DST: variants seen among roughly 807,000 people sequenced by gnomAD.
DST encodes dystonin, also known as bullous pemphigoid antigen.
Under a neutral mutation model 875.2 loss-of-function variants are expected in DST, and 253 were observed. That is an observed-to-expected ratio of 0.29 (90% CI 0.26 to 0.32). DST has a LOEUF of 0.32. DST is among the 10% of genes least tolerant of loss of function. The pLI is 1.00. For missense variants in DST, 8,287 were observed against 9,111.6 expected, an observed-to-expected ratio of 0.91 and a Z score of 3.68; for synonymous variants, 3,124 against 3,197.1, an observed-to-expected ratio of 0.98 and a Z score of 0.77.
intron 61 of DST, chr6:56,542,568 A>C (rs1208999708): frequency 6.6e-6 from 1 of 152,254 alleles, no homozygotes; most frequent in Non-Finnish European, 1.5e-5. Flanking sequence ...AGCGTAATTC[A>C]CATTGAGCAG....
intron 90 of DST, among the ~76,000 whole-genome samples, 172 bp downstream of exon 90, chr6:56,481,878 G>C (rs753190262): frequency 8.5e-5 from 13 of 152,098 alleles, no homozygotes; most frequent in Non-Finnish European, 1.6e-4. Context: ...TGGGTGCATG[G>C]GGACATACAT....
intron 9 of DST, among the ~76,000 whole-genome samples, chr6:56,695,622 T>C (rs1049249119): frequency 4.6e-5 from 7 of 152,212 alleles, no homozygotes; most frequent in African/African-American, 2.4e-5. Flanking sequence ...TCACCAATAA[T>C]ATTCATCACC....
intron 9 of DST, among the ~76,000 whole-genome samples, chr6:56,673,694 A>C (rs946411037): frequency 6.6e-6 from 1 of 152,242 alleles, no homozygotes; most frequent in Admixed American, 6.5e-5. Context: ...TTATACATAC[A>C]CACACTATTA....
chr6:56,510,264 T>G (rs17830661), intron 73 of DST, among the ~76,000 whole-genome samples: 2,634 of 152,314 alleles, frequency 0.017, 97 homozygotes, highest in East Asian at 0.14. Context: ...AGTATTTGTC[T>G]ATTACAATGG....
chr6:56,899,338 C>T (rs897175438), intron 3 of DST, among the ~76,000 whole-genome samples: 4 of 152,192 alleles, frequency 2.6e-5, no homozygotes, highest in African/African-American at 7.2e-5. Context: ...AATAAACCCT[C>T]ATTTCTAAAT....
At chr6:56,584,881 T>C (rs1339145994) in intron 49 of DST, among the ~76,000 whole-genome samples, 5 of 152,318 alleles carry the variant, frequency 3.3e-5, no homozygotes, top group South Asian at 4.1e-4. Context: ...GTTCTGTTTA[T>C]ATGCTGCATT....
chr6:56,848,334 C>T (rs59221173), intron 4 of DST, among the ~76,000 whole-genome samples: 5,252 of 152,176 alleles, frequency 0.035, 287 homozygotes, highest in African/African-American at 0.12. Context: ...ACCTTAAAAA[C>T]AAATGAAAAT....
chr6:56,751,893 A>G (rs1037522609), intron 4 of DST, among the ~76,000 whole-genome samples: 3 of 152,188 alleles, frequency 2.0e-5, no homozygotes, highest in African/African-American at 7.2e-5. Context: ...AACTTCAGGC[A>G]TCACCTGACA....
chr6:56,815,652 G>A (rs915011526), intron 4 of DST, among the ~76,000 whole-genome samples: 2 of 152,094 alleles, frequency 1.3e-5, no homozygotes, highest in African/African-American at 4.8e-5. Context: ...CCTCCCCTAA[G>A]TTCAGAGCTT....
chr6:56,573,124 A>G, intron 51 of DST, 60 bp from the exon 52 acceptor site: 1 of 1,363,922 alleles, frequency 7.3e-7, no homozygotes, highest in Middle Eastern at 2.1e-4. Context: ...ATGTGACAGA[A>G]TTTTTTTAAA....
intron 5 of DST, among the ~76,000 whole-genome samples, chr6:56,706,263 G>A (rs533470909): frequency 3.3e-5 from 5 of 151,028 alleles, no homozygotes; most frequent in South Asian, 4.2e-4. Context: ...GCAGTGGGCC[G>A]AGATCAAGCC....
chr6:56,854,700 T>C (rs1210884737), intron 3 of DST, among the ~76,000 whole-genome samples: 1 of 152,156 alleles, frequency 6.6e-6, no homozygotes, highest in Non-Finnish European at 1.5e-5. Context: ...ATAAAAAGAT[T>C]ACCAAAAGTA....
At position 56,642,393 on chromosome 6, in the gene DST, T is replaced by C; in HGVS notation, c.1872+17A>G. On this transcript the variant is annotated intron_variant, in intron 16 of 103. Transcript: ENST00000680361. ...ACTCCTCTACCACAACCCCAATGGC[T>C]CCTAAAATTAACTTACAGACTGAAG... is the stretch of plus-strand genomic sequence containing the variant. 1.9e-6 allele frequency: 3 copies of C among 1,567,604 alleles called. No individual in the cohort carries two copies. Among genetic ancestry groups the C allele is most frequent in the South Asian group, 1.1e-5 (1 of 90,090 alleles).
At chr6:56,941,899 G>C (rs1816798055) in intron 2 of DST, among the ~76,000 whole-genome samples, 1 of 152,138 alleles carries the variant, frequency 6.6e-6, no homozygotes, top group African/African-American at 2.4e-5. Context: ...TGCTGAAAGA[G>C]GTATGCTTAT....
In DST at chr6:56,561,325, G is replaced by C. The variant is rs754231176; in HGVS notation, c.14293C>G (p.Gln4765Glu). ...APTDTEAVKTQVEQNKSFEAE... is the reference protein window; with the variant it reads ...APTDTEAVKTEVEQNKSFEAE... ...GAATATACCTTATTCTGCTCAACTT[G>C]AGTCTTCACAGCTTCAGTATCTGTA... Residue 4765 changes from glutamine (Q) to glutamate (E), a missense_variant, in exon 57 of 104, where the codon CAA becomes GAA. This residue lies in a region of DST where 1,513 missense variants were observed against 1,677.8 expected (regional missense o/e 0.90). Coordinates refer to ENST00000680361, the MANE Select transcript of DST (RefSeq NM_001374736.1). 3.7e-6 allele frequency: 6 copies of C among 1,613,088 alleles called. No homozygotes were observed. The Admixed American group carries it at 5.0e-5, about 13-fold the overall frequency.
intron 80 of DST, 24 bp from the exon 81 acceptor site, chr6:56,498,077 T>A (rs772742693): frequency 1.3e-6 from 2 of 1,593,192 alleles, no homozygotes; most frequent in South Asian, 1.1e-5. Flanking sequence ...GATAACACCA[T>A]GTTTGCTAGT....
intron 2 of DST, among the ~76,000 whole-genome samples, chr6:56,931,386 G>C (rs545789406): frequency 5.4e-4 from 83 of 152,306 alleles, no homozygotes; most frequent in African/African-American, 1.9e-3. Context: ...GCAGGGGCAG[G>C]GCACTCATGG....
chr6:56,793,137 T>C (rs1319812149), intron 4 of DST, among the ~76,000 whole-genome samples: 1 of 149,952 alleles, frequency 6.7e-6, no homozygotes, highest in African/African-American at 2.5e-5. Context: ...TAGCAATCCT[T>C]ATTTGCATCT....
chr6:56,723,382 T>C (rs1327236007), intron 5 of DST, among the ~76,000 whole-genome samples: 1 of 152,080 alleles, frequency 6.6e-6, no homozygotes, highest in Non-Finnish European at 1.5e-5. Flanking sequence ...CTGAACAACA[T>C]GGTGAAACCC....
Sources: allele counts gnomAD v4.1 joint callset (sites outside exome capture counted in the v4.1 genomes callset), GRCh38; gene constraint gnomAD v4.1.1; regional missense constraint gnomAD v4.1.1; transcripts MANE v1.5; gene names NCBI Gene and HGNC (gene_info 2026-07-23, HGNC 2026-07-21).